The following CSMD2 variants were observed in gnomAD, a reference collection of about 807,000 sequenced individuals.
CSMD2 encodes CUB and sushi domain-containing protein 2.
CSMD2 carries 130 observed loss-of-function variants against 398.5 expected under a neutral mutation model. That is an observed-to-expected ratio of 0.33 (90% CI 0.28 to 0.38). The LOEUF (loss-of-function observed/expected upper bound fraction) is 0.38, where lower values mean the gene tolerates loss of function less well. Ranked by LOEUF, CSMD2 falls within the 10% of genes least tolerant of loss-of-function variation. The probability of loss-of-function intolerance (pLI) is 1.00; values close to 1 mark genes in which losing one functional copy is unlikely to be tolerated. For missense variants in CSMD2, 3,829 were observed against 4,764.9 expected (o/e 0.80, Z 5.78); for synonymous variants, 1,828 against 1,908.5 (o/e 0.96, Z 1.10).
intron 1 of CSMD2, among the ~76,000 whole-genome samples, chr1:34,093,321 A>C (rs935218199): frequency 5.9e-5 from 9 of 152,356 alleles, no homozygotes; most frequent in African/African-American, 2.2e-4. Flanking sequence ...AACAGAACAG[A>C]AAAACTGGAA....
At chr1:33,666,931 C>A (rs1489696718) in intron 25 of CSMD2, among the ~76,000 whole-genome samples, 2 of 152,012 alleles carry the variant, frequency 1.3e-5, no homozygotes, top group Non-Finnish European at 2.9e-5. Context: ...GGAAATGAGA[C>A]CTGAAGTTTA....
chr1:34,165,093 G>T lies in CSMD2; in HGVS notation c.5C>A (p.Pro2Gln). The change falls in exon 1 of 71, where the codon CCG becomes CAG. Residue 2 changes from proline to glutamine, a missense_variant. Physicochemically the swap from Pro to Gln is moderately conservative, Grantham distance 76. Transcript: ENST00000373381. M[P>Q]RSRGRELGRC... ...CCCCAGCTCCCGTCCCCGCGAGCGC[G>T]GCATGGCGCGGCCGGCAGCGCCGAG... is the stretch of plus-strand genomic sequence containing the variant. The T allele has an allele frequency of 1.6e-6, 2 of 1,214,214 alleles. No individual in the cohort carries two copies. The highest frequency in any genetic ancestry group is 2.0e-6 in the Non-Finnish European group (2 of 976,514). 75.2% of individuals were successfully genotyped at this position (1,214,214 alleles called of 1,614,324 possible). A position where few individuals can be genotyped will look rare whatever the true frequency, so the allele number is the denominator to read the frequency against.
At chr1:34,082,312 C>T (rs1357067813) in intron 2 of CSMD2, among the ~76,000 whole-genome samples, 4 of 151,292 alleles carry the variant, frequency 2.6e-5, no homozygotes, top group Non-Finnish European at 4.4e-5. Context: ...AGCCCCTCTG[C>T]CCGGCCGCCC....
At chr1:34,014,782 C>G (rs1434476233) in intron 3 of CSMD2, among the ~76,000 whole-genome samples, 1 of 152,220 alleles carries the variant, frequency 6.6e-6, no homozygotes, top group African/African-American at 2.4e-5. Context: ...AGATGAACAA[C>G]AGCAACAACA....
chr1:33,922,857 C>T lies in CSMD2; in HGVS notation c.713-4556G>A, dbSNP rs543272654. Among the ~76,000 whole-genome samples the T allele has an allele frequency of 1.1e-4, 17 of 152,314 alleles. No homozygotes were observed. In the South Asian group the frequency reaches 2.5e-3, roughly 22 times the overall value. ...CAAGTTAACCACAGCCATGAAGCCC[C>T]CTCCTGGTCTCCAAGCCTCCTTCCT... On this transcript the variant is annotated intron_variant, in intron 4 of 70. Coordinates refer to ENST00000373381, the MANE Select transcript of CSMD2 (RefSeq NM_001281956.2).
intron 5 of CSMD2, among the ~76,000 whole-genome samples, chr1:33,908,286 C>A (rs545576731): frequency 6.6e-6 from 1 of 152,068 alleles, no homozygotes; most frequent in Non-Finnish European, 1.5e-5. Context: ...AAACAGAGAC[C>A]AGGAGGGGGC....
intron 3 of CSMD2, among the ~76,000 whole-genome samples, chr1:33,966,808 G>A (rs1383788433): frequency 1.3e-5 from 2 of 152,144 alleles, no homozygotes; most frequent in South Asian, 2.1e-4. Flanking sequence ...GAATACTTTT[G>A]TGACAGCTAA....
chr1:33,733,654 C>T (rs1216088272), intron 15 of CSMD2, among the ~76,000 whole-genome samples: 1 of 152,154 alleles, frequency 6.6e-6, no homozygotes, highest in African/African-American at 2.4e-5. Flanking sequence ...CCCCATGCTG[C>T]TGTCATGATA....
In CSMD2 at chr1:33,523,328, A is replaced by G; in HGVS notation, c.10488T>C (p.Asp3496=). The change falls in exon 67 of 71, where the codon GAT becomes GAC. Residue 3496 remains aspartate, a synonymous_variant. Coordinates refer to ENST00000373381, the MANE Select transcript of CSMD2 (RefSeq NM_001281956.2). ...VEIFMNKFKD[D]HWALDGHVSS... ...TTACATGGCCATCTAAAGCCCAGTG[A>G]TCATCTTTGAACTTATTCATAAAGA... The G allele has an allele frequency of 6.4e-7, 1 of 1,573,682 alleles. No individual in the cohort carries two copies. Among genetic ancestry groups the G allele is most frequent in the Non-Finnish European group, 8.7e-7 (1 of 1,143,928 alleles).
chr1:33,755,194 G>A (rs978695714), intron 13 of CSMD2, among the ~76,000 whole-genome samples: 9 of 152,134 alleles, frequency 5.9e-5, no homozygotes, highest in Non-Finnish European at 1.3e-4. Flanking sequence ...CAGCTCTGCT[G>A]ATTCAGCTAT....
At chr1:34,015,379 C>G (rs138836300) in intron 3 of CSMD2, among the ~76,000 whole-genome samples, 2 of 152,208 alleles carry the variant, frequency 1.3e-5, no homozygotes, top group Non-Finnish European at 2.9e-5. Context: ...CCCAAGAACT[C>G]TATGATTCCA....
intron 5 of CSMD2, among the ~76,000 whole-genome samples, chr1:33,917,538 C>G (rs924534909): frequency 6.6e-6 from 1 of 152,184 alleles, no homozygotes; most frequent in African/African-American, 2.4e-5. Flanking sequence ...TGAGACTCTC[C>G]ATGAAGCACA....
At position 33,918,240 on chromosome 1, in the gene CSMD2, G is replaced by A. The variant is rs201021410; in HGVS notation, c.774C>T (p.Phe258=). Residue 258 remains phenylalanine, a synonymous_variant, in exon 5 of 71, where the codon TTC becomes TTT. Coordinates refer to ENST00000373381, the MANE Select transcript of CSMD2 (RefSeq NM_001281956.2). ...GQSGIISSPH[F]PSEYHNNADC... is the part of the protein sequence containing the mutation. ...CGGCATTGTTATGGTACTCCGAGGG[G>A]AAGTGGGGGCTGGAGATGATGCCAC... 4.6e-4 allele frequency: 735 copies of A among 1,614,178 alleles called. 3 individuals are homozygous for A. Among genetic ancestry groups the A allele is most frequent in the Non-Finnish European group, 5.4e-4 (638 of 1,180,046 alleles).
At chr1:33,968,754 C>G (rs1645650337) in intron 3 of CSMD2, among the ~76,000 whole-genome samples, 1 of 152,226 alleles carries the variant, frequency 6.6e-6, no homozygotes. Flanking sequence ...AGGCCATACC[C>G]AGAATCCTGA....
chr1:33,781,400 T>C (rs1652748832), intron 12 of CSMD2, among the ~76,000 whole-genome samples: 2 of 152,232 alleles, frequency 1.3e-5, no homozygotes, highest in Admixed American at 6.5e-5. Flanking sequence ...AAATGGACTA[T>C]GAATTAGGTG....
At position 33,559,116 on chromosome 1, in the gene CSMD2, A is replaced by T. The variant is rs1658315953; in HGVS notation, c.8554+184T>A. On this transcript the variant is annotated intron_variant, in intron 54 of 70. Transcript: ENST00000373381. The surrounding 1 kb of genome is among the most constrained non-coding windows in gnomAD (Gnocchi z 4.0). Reference sequence around the variant, plus strand: ...TTTCCTTATATAACCCATGATGATGAAATTTTATGTGGCTCTTTATCTAAG... The same window carrying T: ...TTTCCTTATATAACCCATGATGATGTAATTTTATGTGGCTCTTTATCTAAG... Among the ~76,000 whole-genome samples, 1 of 152,224 alleles carries T rather than the reference A, an allele frequency of 6.6e-6. No homozygotes were observed.
At chr1:33,960,907 C>T (rs551836671) in intron 3 of CSMD2, among the ~76,000 whole-genome samples, 1 of 152,332 alleles carries the variant, frequency 6.6e-6, no homozygotes, top group South Asian at 2.1e-4. Context: ...ATGTCCATGG[C>T]AGGTGGGGTC....
At chr1:34,042,237 C>T (rs1280138721) in intron 2 of CSMD2, among the ~76,000 whole-genome samples, 2 of 152,182 alleles carry the variant, frequency 1.3e-5, no homozygotes, top group Non-Finnish European at 2.9e-5. Context: ...GTCTTCCAGG[C>T]ACATGGAACT....
At chr1:33,732,687 T>C (rs1362887453) in intron 15 of CSMD2, among the ~76,000 whole-genome samples, 1 of 152,232 alleles carries the variant, frequency 6.6e-6, no homozygotes, top group East Asian at 1.9e-4. Context: ...GGCTGACTGA[T>C]ACACTGAGCT....
Sources: allele counts gnomAD v4.1 joint callset (sites outside exome capture counted in the v4.1 genomes callset), GRCh38; gene constraint gnomAD v4.1.1; non-coding constraint Gnocchi (gnomAD v3.1); transcripts MANE v1.5; gene names NCBI Gene and HGNC (gene_info 2026-07-23, HGNC 2026-07-21).